C4orf51: variants seen among roughly 807,000 people sequenced by gnomAD.
The protein encoded by C4orf51 is uncharacterized protein C4orf51.
A neutral mutation model predicts 25.2 loss-of-function variants in C4orf51; 25 were observed. That is an observed-to-expected ratio of 0.99 (90% CI 0.72 to 1.39). The LOEUF (loss-of-function observed/expected upper bound fraction) is 1.39, where lower values mean the gene tolerates loss of function less well. Among genes scored for constraint, C4orf51 ranks in the 40% most tolerant of loss-of-function variants. The pLI, the probability that C4orf51 is intolerant of heterozygous loss-of-function variation, is 0.00. For synonymous variants in C4orf51, 100 were observed against 84.5 expected, an observed-to-expected ratio of 1.18 and a Z score of -1.01; for missense variants, 252 against 239.6, an observed-to-expected ratio of 1.05 and a Z score of -0.34.
intron 1 of C4orf51, among the ~76,000 whole-genome samples, chr4:145,694,949 A>G (rs1014909670): frequency 1.3e-5 from 2 of 152,224 alleles, no homozygotes; most frequent in African/African-American, 4.8e-5. Context: ...AGAACAAACA[A>G]ATCACTAAAG....
chr4:145,717,392 C>T (rs566750835), intron 2 of C4orf51, among the ~76,000 whole-genome samples: 1 of 152,308 alleles, frequency 6.6e-6, no homozygotes, highest in South Asian at 2.1e-4. Flanking sequence ...TGGTCATTTT[C>T]ATATAACTGA....
At chr4:145,791,316 T>G in the C4orf51 span, among the ~76,000 whole-genome samples, 196 of 152,268 alleles carry the variant, frequency 1.3e-3, 1 homozygote, top group Non-Finnish European at 2.3e-3. Flanking sequence ...GCACTAATCC[T>G]AGTCATGAGG....
At chr4:145,701,576 C>G (rs11724653) in intron 2 of C4orf51, among the ~76,000 whole-genome samples, 2 of 150,818 alleles carry the variant, frequency 1.3e-5, no homozygotes, top group Admixed American at 6.6e-5. Context: ...GCTGCCCGAT[C>G]GCCTCAGAAG....
downstream of C4orf51, chr4:145,775,866 C>T (rs377386498): frequency 1.3e-5 from 21 of 1,614,182 alleles, no homozygotes; most frequent in Non-Finnish European, 1.8e-5. Context: ...TGTCTGTACT[C>T]ACCAGCTTCA....
At chr4:145,755,243 A>C (rs1021516746), downstream of C4orf51, among the ~76,000 whole-genome samples, 2 of 152,208 alleles carry the variant, frequency 1.3e-5, no homozygotes, top group African/African-American at 4.8e-5. Context: ...GGTATGTCTT[A>C]ATCACAGCCC....
At chr4:145,752,390 C>T (rs1274041305) in intron 1 of C4orf51, among the ~76,000 whole-genome samples, 1 of 152,202 alleles carries the variant, frequency 6.6e-6, no homozygotes, top group African/African-American at 2.4e-5. Flanking sequence ...GAATGGCTCC[C>T]TCTCTTCAAG....
chr4:145,775,684 A>T, downstream of C4orf51: 1 of 1,377,952 alleles, frequency 7.3e-7, no homozygotes, highest in Non-Finnish European at 1.0e-6. Flanking sequence ...CCAGGCTATG[A>T]CTGAGAAAAG....
chr4:145,749,206 T>C (rs1416404421), intron 1 of C4orf51, among the ~76,000 whole-genome samples: 1 of 151,906 alleles, frequency 6.6e-6, no homozygotes, highest in East Asian at 1.9e-4. Flanking sequence ...ATAATTATAA[T>C]TACTCCTGCT....
At chr4:145,743,025 A>G (rs946689102) in intron 1 of C4orf51, among the ~76,000 whole-genome samples, 6 of 152,202 alleles carry the variant, frequency 3.9e-5, no homozygotes, top group Admixed American at 6.5e-5. Context: ...GAAGTAGGAG[A>G]GCTAGAAGGG....
chr4:145,699,593 G>A (rs1198266463), intron 2 of C4orf51, among the ~76,000 whole-genome samples: 5 of 152,150 alleles, frequency 3.3e-5, no homozygotes, highest in East Asian at 3.9e-4. Flanking sequence ...AAACTCTGGC[G>A]CCGGTCACGG....
At chr4:145,704,863 G>A (rs1398448063) in intron 2 of C4orf51, among the ~76,000 whole-genome samples, 2 of 152,230 alleles carry the variant, frequency 1.3e-5, no homozygotes, top group African/African-American at 4.8e-5. Context: ...GCAGGAATGA[G>A]AGAAGGTAAA....
chr4:145,724,962 C>T (rs990338270), intron 2 of C4orf51, among the ~76,000 whole-genome samples: 4 of 149,520 alleles, frequency 2.7e-5, no homozygotes, highest in African/African-American at 7.4e-5. Context: ...TGTTCTCACT[C>T]GTAAGTGGGA....
At position 145,763,015 on chromosome 4, in the gene C4orf51, G is replaced by C; in HGVS notation, n.167-7973G>C. 1 of 1,382,922 alleles carries C rather than the reference G, an allele frequency of 7.2e-7. No individual in the cohort carries two copies. Among genetic ancestry groups the C allele is most frequent in the Non-Finnish European group, 9.8e-7 (1 of 1,015,998 alleles). 85.7% of individuals were successfully genotyped at this position (1,382,922 alleles called of 1,614,324 possible). A position where few individuals can be genotyped will look rare whatever the true frequency, so the allele number is the denominator to read the frequency against. ...CCTTTGAACCTCAGCTCACAGAAGAGTGCACACGAGAGAAATATAAAGCCC... is the reference window on the plus strand; with the variant it reads ...CCTTTGAACCTCAGCTCACAGAAGACTGCACACGAGAGAAATATAAAGCCC... On this transcript the variant is annotated intron_variant and non_coding_transcript_variant, in intron 1 of 1. Transcript: ENST00000510096. The surrounding 1 kb of genome is among the most constrained non-coding windows in gnomAD (Gnocchi z 4.6).
Position 145,702,364 on chromosome 4 carries a change from T to C in C4orf51, c.307+5732T>C, listed in dbSNP as rs531185067. 3.0e-4 allele frequency among the ~76,000 whole-genome samples: 46 copies of C among 152,082 alleles called. No homozygotes were observed. The South Asian group carries it at 9.4e-3, about 31-fold the overall frequency. ...AAACATGCTTTCTTTACTATTCCTT[T>C]GCACCCTTCATCCCAGCCTCTCTTT... On this transcript the variant is annotated intron_variant, in intron 2 of 5. Coordinates refer to ENST00000438731, the MANE Select transcript of C4orf51 (RefSeq NM_001080531.3).
chr4:145,745,759 A>T (rs749626046), intron 1 of C4orf51, among the ~76,000 whole-genome samples: 2 of 152,204 alleles, frequency 1.3e-5, no homozygotes, highest in East Asian at 3.8e-4. Context: ...TTGCTGGATC[A>T]TATGGTGGCT....
At chr4:145,742,298 T>C (rs972706725) in intron 1 of C4orf51, among the ~76,000 whole-genome samples, 3 of 152,170 alleles carry the variant, frequency 2.0e-5, no homozygotes, top group Admixed American at 1.3e-4. Flanking sequence ...CTCATTCTCA[T>C]GTGTTGACAA....
rs116984527 is a variant in C4orf51 at position 145,710,517 on chromosome 4, G to A, written c.307+13885G>A. On this transcript the variant is annotated intron_variant, in intron 2 of 5. Transcript: ENST00000438731. ...AGTGTGTGTACTGGATTGTACACAT[G>A]CTCACTTGAGGCATCCTTCCCTTAC... 2.2e-3 allele frequency among the ~76,000 whole-genome samples: 331 copies of A among 152,252 alleles called. 3 individuals are homozygous for A. In the Middle Eastern group the frequency reaches 0.027, roughly 13 times the overall value.
intron 3 of C4orf51, among the ~76,000 whole-genome samples, chr4:145,728,298 C>G (rs1033698151): frequency 9.9e-5 from 15 of 151,980 alleles, no homozygotes; most frequent in Non-Finnish European, 1.5e-5. Flanking sequence ...TTCCTATATC[C>G]TCTCTAACAT....
intron 2 of C4orf51, among the ~76,000 whole-genome samples, chr4:145,724,878 CT>C (rs575154645): frequency 1.8e-5 from 1 of 55,798 alleles, no homozygotes. Context: ...GCAAGACTGT[CT>C]CAAAAAAAAA....
Sources: allele counts gnomAD v4.1 joint callset (sites outside exome capture counted in the v4.1 genomes callset), GRCh38; gene constraint gnomAD v4.1.1; non-coding constraint Gnocchi (gnomAD v3.1); transcripts MANE v1.5; gene names NCBI Gene and HGNC (gene_info 2026-07-23, HGNC 2026-07-21).